The following TNKS variants were observed in gnomAD, a reference collection of about 807,000 sequenced individuals.
TNKS encodes poly [ADP-ribose] polymerase tankyrase-1.
In TNKS, 72 loss-of-function variants were observed where a neutral mutation model predicts 135.8. That is an observed-to-expected ratio of 0.53 (90% CI 0.44 to 0.64). The LOEUF (loss-of-function observed/expected upper bound fraction) is 0.64. Among genes scored for constraint, TNKS ranks in the 30% least tolerant of loss-of-function variants. TNKS has a pLI of 0.00. For synonymous variants in TNKS, 849 were observed against 649.3 expected (o/e 1.31, Z -4.68); for missense variants, 1,769 against 1,674.0 (o/e 1.06, Z -0.99).
At chr8:9,631,082 A>G (rs1800271211) in intron 3 of TNKS, among the ~76,000 whole-genome samples, 1 of 152,212 alleles carries the variant, frequency 6.6e-6, no homozygotes, top group Non-Finnish European at 1.5e-5. Context: ...TGCTTTTTTA[A>G]ACTAGATATT....
intron 3 of TNKS, among the ~76,000 whole-genome samples, chr8:9,624,524 C>CA (rs1563125259): frequency 6.6e-6 from 1 of 152,194 alleles, no homozygotes; most frequent in African/African-American, 2.4e-5. Context: ...TAACACCTTG[C>CA]AGAACTGTAG....
Position 9,756,000 on chromosome 8 carries a change from G to T in TNKS, c.3153+3374G>T, listed in dbSNP as rs531858383. ...GAAATATAGTACCCATGTGACTTTG[G>T]CCCTTCCTTTATAACATAGCTTTGT... On this transcript the variant is annotated intron_variant, in intron 20 of 26. Transcript: ENST00000310430. 1.5e-4 allele frequency among the ~76,000 whole-genome samples: 23 copies of T among 152,184 alleles called. No individual in the cohort carries two copies. The South Asian group carries it at 4.8e-3, about 32-fold the overall frequency.
At position 9,700,175 on chromosome 8, in the gene TNKS, C is replaced by A. The variant is rs376730077; in HGVS notation, c.1108-4488C>A. ...CTTCCATGGGATTTGTCCACATCCA[C>A]AGCATTTATATTGTATTGCCTGCTT... On this transcript the variant is annotated intron_variant, in intron 5 of 26. Coordinates refer to ENST00000310430, the MANE Select transcript of TNKS (RefSeq NM_003747.3). 3.3e-5 allele frequency among the ~76,000 whole-genome samples: 5 copies of A among 152,300 alleles called. No individual in the cohort carries two copies. The East Asian group carries it at 7.7e-4, about 24-fold the overall frequency.
chr8:9,614,973 C>G (rs1446328436), intron 2 of TNKS, among the ~76,000 whole-genome samples: 1 of 152,134 alleles, frequency 6.6e-6, no homozygotes, highest in East Asian at 1.9e-4. Context: ...GTTTCTGTTT[C>G]TAAACATTTT....
chr8:9,658,099 C>T (rs1182219308), intron 3 of TNKS, among the ~76,000 whole-genome samples: 4 of 94,828 alleles, frequency 4.2e-5, no homozygotes, highest in East Asian at 3.1e-4. Flanking sequence ...TGGGAAGAGG[C>T]GCTCCTCACT....
chr8:9,674,113 T>C (rs1280321713), intron 3 of TNKS, among the ~76,000 whole-genome samples: 1 of 152,218 alleles, frequency 6.6e-6, no homozygotes, highest in African/African-American at 2.4e-5. Flanking sequence ...TTTGTTTTGT[T>C]TTAAGTCTGT....
In TNKS at chr8:9,761,534, G is replaced by A; in HGVS notation, c.3172G>A (p.Ala1058Thr). ...TTTTCAGATTACACTAGATGTGTTG[G>A]CTGATATGGGTCATGAAGAGTTGAA... is the stretch of plus-strand genomic sequence containing the variant. ...ETEQITLDVL[A>T]DMGHEELKEI... Residue 1058 changes from alanine (A) to threonine (T), a missense_variant, in exon 21 of 27, where the codon GCT becomes ACT. By Grantham distance (58) the Ala-to-Thr change is moderately conservative (BLOSUM62 0). This residue lies in a region of TNKS where 722 missense variants were observed against 688.9 expected (regional missense o/e 1.05). Coordinates refer to ENST00000310430, the MANE Select transcript of TNKS (RefSeq NM_003747.3). The A allele has an allele frequency of 6.2e-7, 1 of 1,613,100 alleles. No homozygotes were observed. The highest frequency in any genetic ancestry group is 8.5e-7 in the Non-Finnish European group (1 of 1,179,810).
chr8:9,769,432 G>A (rs1807668399), intron 25 of TNKS, among the ~76,000 whole-genome samples: 3 of 152,004 alleles, frequency 2.0e-5, no homozygotes, highest in Admixed American at 2.0e-4. Context: ...TATTATTACT[G>A]TTTACCTCAT....
intron 21 of TNKS, among the ~76,000 whole-genome samples, chr8:9,762,255 T>C (rs1408657945): frequency 1.3e-5 from 2 of 152,204 alleles, no homozygotes; most frequent in South Asian, 2.1e-4. Context: ...GCACCTTCAC[T>C]ATAGGAAAGC....
At chr8:9,572,897 A>C (rs1015626741) in intron 1 of TNKS, among the ~76,000 whole-genome samples, 1 of 152,214 alleles carries the variant, frequency 6.6e-6, no homozygotes, top group African/African-American at 2.4e-5. Flanking sequence ...TAGGTATTGC[A>C]TAAATGTGTC....
chr8:9,621,917 C>A (rs1038565224), intron 3 of TNKS, among the ~76,000 whole-genome samples: 1 of 151,988 alleles, frequency 6.6e-6, no homozygotes, highest in Non-Finnish European at 1.5e-5. Flanking sequence ...TAAAAGATTG[C>A]CTTTAGTATT....
chr8:9,716,899 G>A (rs1007732687), intron 11 of TNKS, among the ~76,000 whole-genome samples: 14 of 151,192 alleles, frequency 9.3e-5, no homozygotes, highest in Middle Eastern at 3.2e-3. Context: ...GGTCTGTCCC[G>A]TCTCTGGGAT....
chr8:9,686,570 T>C (rs1390391167), intron 5 of TNKS, among the ~76,000 whole-genome samples: 1 of 152,220 alleles, frequency 6.6e-6, no homozygotes, highest in African/African-American at 2.4e-5. Context: ...TCAGCTTTAT[T>C]ACTGAAAATG....
Position 9,766,241 on chromosome 8 carries a change from TCTC to T in TNKS, c.3559_3561del (p.Pro1187del). 6.3e-7 allele frequency: 1 copy of T among 1,598,350 alleles called. No individual in the cohort carries two copies. The highest frequency in any genetic ancestry group is 8.5e-7 in the Non-Finnish European group (1 of 1,170,630). ...TCTTTCTGTCTTCGTATTTCTAGGT[TCTC>T]CTTTCATTAATGCCATTATTCATAA... On this transcript the variant is annotated inframe_deletion, in exon 25 of 27. Transcript: ENST00000310430.
intron 17 of TNKS, among the ~76,000 whole-genome samples, chr8:9,742,983 C>T (rs1188570975): frequency 6.6e-6 from 1 of 151,914 alleles, no homozygotes; most frequent in Non-Finnish European, 1.5e-5. Flanking sequence ...TCAAAAGTTC[C>T]TTTTTATTCA....
At chr8:9,665,897 TTGGA>T (rs1801962880) in intron 3 of TNKS, among the ~76,000 whole-genome samples, 2 of 152,202 alleles carry the variant, frequency 1.3e-5, no homozygotes, top group African/African-American at 4.8e-5. Flanking sequence ...AATATTTTTA[TTGGA>T]TCCTTTTCCC....
intron 1 of TNKS, among the ~76,000 whole-genome samples, chr8:9,571,642 A>G (rs2129051564): frequency 6.6e-6 from 1 of 152,212 alleles, no homozygotes; most frequent in Non-Finnish European, 1.5e-5. Flanking sequence ...TATTTGTAGT[A>G]GAGACGGGGT....
intron 1 of TNKS, among the ~76,000 whole-genome samples, chr8:9,559,239 G>C (rs1006406609): frequency 2.0e-5 from 3 of 152,052 alleles, no homozygotes; most frequent in African/African-American, 4.8e-5. Flanking sequence ...ATATTATACT[G>C]TCTGTCCCAA....
chr8:9,764,634 A>G (rs1807327665), intron 22 of TNKS, 82 bp from the exon 23 acceptor site: 1 of 1,015,746 alleles, frequency 9.8e-7, no homozygotes, highest in East Asian at 2.9e-5. Context: ...CTATTTATTT[A>G]TTAATACTGA....
Sources: allele counts gnomAD v4.1 joint callset (sites outside exome capture counted in the v4.1 genomes callset), GRCh38; gene constraint gnomAD v4.1.1; regional missense constraint gnomAD v4.1.1; transcripts MANE v1.5; gene names NCBI Gene and HGNC (gene_info 2026-07-23, HGNC 2026-07-21).